Variants in ST6GALNAC3 observed in about 807,000 individuals in gnomAD.
The protein encoded by ST6GALNAC3 is ST6 N-acetylgalactosaminide alpha-2,6-sialyltransferase 3.
In ST6GALNAC3, 25 loss-of-function variants were observed where a neutral mutation model predicts 32.7. The ratio of observed to expected loss-of-function variants is 0.76; its 90% CI spans 0.56 to 1.07. The LOEUF (loss-of-function observed/expected upper bound fraction) is 1.07. Ranked by LOEUF, ST6GALNAC3 falls within the 50% of genes least tolerant of loss-of-function variation. The probability of loss-of-function intolerance (pLI) is 0.00; values close to 1 mark genes in which losing one functional copy is unlikely to be tolerated. For missense variants in ST6GALNAC3, 355 were observed against 382.4 expected (o/e 0.93, Z 0.60); for synonymous variants, 129 against 133.1 (o/e 0.97, Z 0.21).
chr1:76,522,541 C>T (rs1461570317), intron 3 of ST6GALNAC3, among the ~76,000 whole-genome samples: 5 of 152,144 alleles, frequency 3.3e-5, no homozygotes, highest in African/African-American at 9.7e-5. Flanking sequence ...TTGTCCTCAA[C>T]TCTGTCCAGC....
At chr1:76,501,128 C>G (rs1449750258) in intron 3 of ST6GALNAC3, among the ~76,000 whole-genome samples, 1 of 152,142 alleles carries the variant, frequency 6.6e-6, no homozygotes, top group Non-Finnish European at 1.5e-5. Context: ...AAAATACATG[C>G]CTTTCCTTTT....
chr1:76,180,030 C>T (rs562093643), intron 1 of ST6GALNAC3, among the ~76,000 whole-genome samples: 1 of 152,306 alleles, frequency 6.6e-6, no homozygotes, highest in Admixed American at 6.5e-5. Context: ...ATCTGACATT[C>T]CACTAATTTA....
chr1:76,227,752 G>A (rs1168644607), intron 1 of ST6GALNAC3, among the ~76,000 whole-genome samples: 1 of 152,152 alleles, frequency 6.6e-6, no homozygotes, highest in African/African-American at 2.4e-5. Context: ...GCTCTTTTTA[G>A]AAGTTCAATT....
chr1:76,458,187 A>G (rs1386806039), intron 3 of ST6GALNAC3, among the ~76,000 whole-genome samples: 10 of 123,166 alleles, frequency 8.1e-5, no homozygotes, highest in Admixed American at 6.1e-4. Context: ...ACAATGAGAT[A>G]CCATCTCACA....
chr1:76,478,753 A>G (rs1311915892), intron 3 of ST6GALNAC3, among the ~76,000 whole-genome samples: 1 of 124,798 alleles, frequency 8.0e-6, no homozygotes, highest in East Asian at 2.4e-4. Flanking sequence ...CCCCTAGTTT[A>G]TTAATTCTTT....
chr1:76,224,968 A>G (rs1046646769), intron 1 of ST6GALNAC3, among the ~76,000 whole-genome samples: 2 of 152,114 alleles, frequency 1.3e-5, no homozygotes, highest in African/African-American at 4.8e-5. Context: ...TCAGCCTGTT[A>G]TTATAGGAGT....
At chr1:76,552,717 CTCA>C (rs1402749033) in intron 3 of ST6GALNAC3, among the ~76,000 whole-genome samples, 1 of 152,012 alleles carries the variant, frequency 6.6e-6, no homozygotes, top group African/African-American at 2.4e-5. Context: ...TAATATGTGC[CTCA>C]TATTTATTTT....
At chr1:76,389,605 C>T (rs1384007317) in intron 2 of ST6GALNAC3, among the ~76,000 whole-genome samples, 1 of 152,206 alleles carries the variant, frequency 6.6e-6, no homozygotes, top group African/African-American at 2.4e-5. Context: ...AGTTTGAATG[C>T]TAATTACCAC....
intron 3 of ST6GALNAC3, among the ~76,000 whole-genome samples, chr1:76,506,977 G>A (rs985346860): frequency 3.9e-5 from 6 of 152,188 alleles, no homozygotes; most frequent in African/African-American, 1.4e-4. Context: ...ACATGCAGTT[G>A]AGCTCTGGCA....
rs151036348 is a variant in ST6GALNAC3, at chr1:76,388,920, A to G, written c.214-23088A>G. Among the ~76,000 whole-genome samples, 386 of 152,062 alleles carry G rather than the reference A, an allele frequency of 2.5e-3. 2 individuals carry two copies. The highest frequency in any genetic ancestry group is 8.5e-3 in the African/African-American group (352 of 41,490). ...CCTTGAGAAATTATTTGAGTTTTGT[A>G]AATTCATCTATATGATGGTAATGAT... is the stretch of plus-strand genomic sequence containing the variant. On this transcript the variant is annotated intron_variant, in intron 2 of 4. Transcript: ENST00000328299.
At chr1:76,214,141 A>G (rs562936214) in intron 1 of ST6GALNAC3, among the ~76,000 whole-genome samples, 4 of 152,274 alleles carry the variant, frequency 2.6e-5, no homozygotes, top group Non-Finnish European at 5.9e-5. Flanking sequence ...TATGGCAGCC[A>G]CTACTCATAT....
chr1:76,534,635 C>T (rs1025217172), intron 3 of ST6GALNAC3, among the ~76,000 whole-genome samples: 1 of 152,208 alleles, frequency 6.6e-6, no homozygotes, highest in Admixed American at 6.5e-5. Context: ...CCCAACACTA[C>T]TTCTGTAGAT....
At chr1:76,389,012 C>CATTTTTTTTTTT (rs1553189270) in intron 2 of ST6GALNAC3, among the ~76,000 whole-genome samples, 2 of 127,360 alleles carry the variant, frequency 1.6e-5, no homozygotes, top group African/African-American at 2.9e-5. Flanking sequence ...GGTATATTTC[C>CATTTTTTTTTTT]TTTTTTTTTT....
intron 1 of ST6GALNAC3, among the ~76,000 whole-genome samples, chr1:76,123,241 A>C (rs970857951): frequency 6.6e-6 from 1 of 152,072 alleles, no homozygotes; most frequent in Admixed American, 6.6e-5. Flanking sequence ...GCATGGTGGC[A>C]GACGCCTGTA....
rs1003373151 is a variant in ST6GALNAC3, at chr1:76,614,988, G to A, written c.624-12464G>A. Among the ~76,000 whole-genome samples, 81 of 151,994 alleles carry A rather than the reference G, an allele frequency of 5.3e-4. 6 individuals carry two copies. Among genetic ancestry groups the A allele is most frequent in the Non-Finnish European group, 4.4e-5 (3 of 68,012 alleles). ...AGAATAACAAGAGAAGATGCTTCTG[G>A]AAATAGTAGTAAGACTGTGGGCTTG... On this transcript the variant is annotated intron_variant, in intron 3 of 4. Transcript: ENST00000328299.
intron 3 of ST6GALNAC3, among the ~76,000 whole-genome samples, chr1:76,489,344 A>G (rs1283147310): frequency 1.3e-5 from 2 of 151,998 alleles, no homozygotes; most frequent in African/African-American, 4.8e-5. Flanking sequence ...TTTATTGAGT[A>G]TGTACTATGT....
chr1:76,362,181 G>A (rs1650013811), intron 2 of ST6GALNAC3, among the ~76,000 whole-genome samples: 1 of 152,038 alleles, frequency 6.6e-6, no homozygotes, highest in African/African-American at 2.4e-5. Flanking sequence ...GCCAGAGCAG[G>A]AAGAAGAGAG....
At chr1:76,285,999 G>A (rs955612939) in intron 1 of ST6GALNAC3, among the ~76,000 whole-genome samples, 1 of 151,202 alleles carries the variant, frequency 6.6e-6, no homozygotes, top group South Asian at 2.1e-4. Context: ...ACACAGGAAA[G>A]ACATGCAGAA....
At chr1:76,491,229 A>C (rs772888658) in intron 3 of ST6GALNAC3, among the ~76,000 whole-genome samples, 5 of 152,076 alleles carry the variant, frequency 3.3e-5, no homozygotes, top group Non-Finnish European at 7.4e-5. Flanking sequence ...GAGTTGAAGC[A>C]AGAGGGTTGG....
Sources: allele counts gnomAD v4.1 joint callset (sites outside exome capture counted in the v4.1 genomes callset), GRCh38; gene constraint gnomAD v4.1.1; transcripts MANE v1.5; gene names NCBI Gene and HGNC (gene_info 2026-07-23, HGNC 2026-07-21).